The following MGAT4C variants were observed in gnomAD, a reference collection of about 807,000 sequenced individuals.
The protein encoded by MGAT4C is MGAT4 family member C.
In MGAT4C, 19 loss-of-function variants were observed where a neutral mutation model predicts 40.1. The observed-to-expected ratio is 0.47, with a 90% CI of 0.33 to 0.70. MGAT4C has a LOEUF of 0.70. Among genes scored for constraint, MGAT4C ranks in the 30% least tolerant of loss-of-function variants. The pLI is 0.02. For missense variants in MGAT4C, 491 were observed against 563.2 expected (o/e 0.87, Z 1.30); for synonymous variants, 181 against 187.1 (o/e 0.97, Z 0.27).
chr12:86,495,881 G>T (rs1958226778), intron 2 of MGAT4C, among the ~76,000 whole-genome samples: 2 of 151,906 alleles, frequency 1.3e-5, no homozygotes, highest in Non-Finnish European at 2.9e-5. Context: ...CACCCATCAT[G>T]ATTTTCTAAC....
intron 1 of MGAT4C, among the ~76,000 whole-genome samples, chr12:86,150,119 A>T (rs532506037): frequency 1.3e-5 from 2 of 152,286 alleles, no homozygotes; most frequent in East Asian, 3.9e-4. Context: ...GATTCTCATA[A>T]GAAGTACACA....
At position 86,335,473 on chromosome 12, in the gene MGAT4C, G is replaced by T. The variant is rs1342921437; in HGVS notation, c.-119-1346C>A. On this transcript the variant is annotated intron_variant, in intron 3 of 7. Coordinates refer to the MGAT4C transcript ENST00000548651. Reference sequence around the variant, plus strand: ...TGAGCAATATTAGCAAACACAGATGGCCTGATAACACTGGCAAATCCCCTC... The same window carrying T: ...TGAGCAATATTAGCAAACACAGATGTCCTGATAACACTGGCAAATCCCCTC... Among the ~76,000 whole-genome samples the T allele has an allele frequency of 2.0e-5, 3 of 152,096 alleles. No homozygotes were observed. The East Asian group carries it at 5.8e-4, about 29-fold the overall frequency.
intron 1 of MGAT4C, among the ~76,000 whole-genome samples, chr12:86,164,428 G>T (rs1202462771): frequency 6.6e-6 from 1 of 152,160 alleles, no homozygotes; most frequent in African/African-American, 2.4e-5. Flanking sequence ...TGCATACTGA[G>T]TCTATGCTGT....
chr12:86,369,818 T>C (rs1457326470), intron 3 of MGAT4C, among the ~76,000 whole-genome samples: 1 of 152,000 alleles, frequency 6.6e-6, no homozygotes, highest in Non-Finnish European at 1.5e-5. Context: ...CTCTTTTAAA[T>C]CTTCAATAGA....
intron 2 of MGAT4C, chr12:86,028,122 C>T: frequency 1.2e-5 from 16 of 1,288,018 alleles, no homozygotes; most frequent in Non-Finnish European, 1.6e-5. Flanking sequence ...TTCTGGATCC[C>T]TTTGCCACAC....
intron 1 of MGAT4C, among the ~76,000 whole-genome samples, chr12:86,249,511 AGT>A (rs1952177031): frequency 6.6e-6 from 1 of 152,178 alleles, no homozygotes; most frequent in African/African-American, 2.4e-5. Context: ...TCAAAACCAC[AGT>A]GATCCATCTC....
At chr12:86,770,890 G>A (rs1418834831) in intron 1 of MGAT4C, among the ~76,000 whole-genome samples, 5 of 152,094 alleles carry the variant, frequency 3.3e-5, no homozygotes, top group Non-Finnish European at 7.4e-5. Flanking sequence ...CTTGAAGGAA[G>A]GTGGTGTGGG....
chr12:86,685,493 A>AG (rs566712835), intron 2 of MGAT4C, among the ~76,000 whole-genome samples: 158 of 152,284 alleles, frequency 1.0e-3, no homozygotes, highest in Middle Eastern at 3.4e-3. Flanking sequence ...CTTTTTGCTT[A>AG]GGATTGCCTT....
At chr12:86,224,019 C>T (rs74833370) in intron 1 of MGAT4C, among the ~76,000 whole-genome samples, 6,902 of 152,166 alleles carry the variant, frequency 0.045, 187 homozygotes, top group African/African-American at 0.072. Flanking sequence ...CCACTACTAC[C>T]AGCATTTAAG....
At chr12:86,188,956 TAAAATA>T (rs1889075227) in intron 1 of MGAT4C, among the ~76,000 whole-genome samples, 1 of 151,980 alleles carries the variant, frequency 6.6e-6, no homozygotes, top group Non-Finnish European at 1.5e-5. Flanking sequence ...GCATATGCTT[TAAAATA>T]AGAGTGGTTA....
chr12:86,339,376 G>A (rs1954860520), intron 3 of MGAT4C, among the ~76,000 whole-genome samples: 2 of 152,276 alleles, frequency 1.3e-5, no homozygotes, highest in South Asian at 4.1e-4. Context: ...CGGCAAGGTA[G>A]AAAGCACAAA....
intron 3 of MGAT4C, among the ~76,000 whole-genome samples, chr12:86,380,698 A>G (rs915807614): frequency 6.6e-6 from 1 of 152,148 alleles, no homozygotes; most frequent in Admixed American, 6.6e-5. Context: ...GAGGAAGCCA[A>G]TCACAATCCA....
intron 2 of MGAT4C, among the ~76,000 whole-genome samples, chr12:86,546,890 G>A (rs1959196169): frequency 6.6e-6 from 1 of 151,954 alleles, no homozygotes; most frequent in African/African-American, 2.4e-5. Flanking sequence ...AATGCTAGGG[G>A]AAAATGTAGG....
At chr12:86,077,923 C>T (rs1264810360) in intron 1 of MGAT4C, among the ~76,000 whole-genome samples, 1 of 152,120 alleles carries the variant, frequency 6.6e-6, no homozygotes, top group Non-Finnish European at 1.5e-5. Context: ...GCAGAAGGAG[C>T]CCAAAATGTC....
intron 1 of MGAT4C, among the ~76,000 whole-genome samples, chr12:86,124,755 C>T (rs1879979508): frequency 6.6e-6 from 1 of 152,044 alleles, no homozygotes; most frequent in African/African-American, 2.4e-5. Context: ...TTCTACCTGG[C>T]ACAGAGACAG....
intron 2 of MGAT4C, among the ~76,000 whole-genome samples, chr12:86,496,779 T>C (rs1227267798): frequency 6.6e-6 from 1 of 151,972 alleles, no homozygotes; most frequent in Admixed American, 6.6e-5. Context: ...ATTCAGCCTT[T>C]TATAAAACGT....
intron 2 of MGAT4C, among the ~76,000 whole-genome samples, chr12:86,499,372 CTA>C (rs996543082): frequency 1.3e-5 from 2 of 151,228 alleles, no homozygotes; most frequent in African/African-American, 4.9e-5. Context: ...ACATATACAC[CTA>C]TATATATATT....
chr12:86,328,045 T>A (rs1954566311), intron 4 of MGAT4C, among the ~76,000 whole-genome samples: 1 of 152,172 alleles, frequency 6.6e-6, no homozygotes, highest in Non-Finnish European at 1.5e-5. Flanking sequence ...CACTCTTTAG[T>A]GTCATTTTAT....
chr12:86,790,755 A>T (rs1031391513), intron 1 of MGAT4C, among the ~76,000 whole-genome samples: 1 of 152,246 alleles, frequency 6.6e-6, no homozygotes, highest in East Asian at 1.9e-4. Context: ...GACTAATAAA[A>T]TTGAATCTCT....
Sources: allele counts gnomAD v4.1 joint callset (sites outside exome capture counted in the v4.1 genomes callset), GRCh38; gene constraint gnomAD v4.1.1; transcripts MANE v1.5; gene names NCBI Gene and HGNC (gene_info 2026-07-23, HGNC 2026-07-21).